Variants in LUZP2 observed in about 807,000 individuals in gnomAD.
LUZP2 encodes the protein leucine zipper protein 2.
In LUZP2, 52 loss-of-function variants were observed where a neutral mutation model predicts 51.6. The ratio of observed to expected loss-of-function variants is 1.01; its 90% CI spans 0.81 to 1.27. The LOEUF (loss-of-function observed/expected upper bound fraction) is 1.27, where lower values mean the gene tolerates loss of function less well. Ranked by LOEUF, LUZP2 falls within the 50% of genes most tolerant of loss-of-function variation. LUZP2 has a pLI of 0.00. For synonymous variants in LUZP2, 154 were observed against 137.3 expected, an observed-to-expected ratio of 1.12 and a Z score of -0.85; for missense variants, 436 against 395.4, an observed-to-expected ratio of 1.10 and a Z score of -0.87.
chr11:24,784,224 T>A (rs1369717594), intron 5 of LUZP2, among the ~76,000 whole-genome samples: 1 of 152,038 alleles, frequency 6.6e-6, no homozygotes, highest in African/African-American at 2.4e-5. Context: ...AAATTTATCT[T>A]GTTTTTATTC....
At chr11:25,052,243 T>C (rs1037635541) in intron 10 of LUZP2, among the ~76,000 whole-genome samples, 1 of 152,188 alleles carries the variant, frequency 6.6e-6, no homozygotes, top group Non-Finnish European at 1.5e-5. Flanking sequence ...AAACCAGGTG[T>C]GAGTAATCGG....
intron 1 of LUZP2, among the ~76,000 whole-genome samples, chr11:24,670,627 A>G (rs905975483): frequency 1.3e-5 from 2 of 152,006 alleles, no homozygotes; most frequent in Non-Finnish European, 2.9e-5. Context: ...ATTTTTAAAT[A>G]TCTGTATTGA....
At chr11:24,941,472 C>T (rs1318842186) in intron 7 of LUZP2, among the ~76,000 whole-genome samples, 2 of 152,176 alleles carry the variant, frequency 1.3e-5, no homozygotes, top group East Asian at 3.9e-4. Context: ...ATTCATTCAA[C>T]AGATGAATTC....
chr11:24,917,462 T>C (rs1853829689), intron 7 of LUZP2, among the ~76,000 whole-genome samples: 5 of 152,136 alleles, frequency 3.3e-5, no homozygotes, highest in Admixed American at 2.6e-4. Flanking sequence ...ATTTTTATGG[T>C]TTTAGGTCTA....
chr11:25,047,340 A>AT (rs201926297), intron 9 of LUZP2, among the ~76,000 whole-genome samples: 2 of 14,358 alleles, frequency 1.4e-4, no homozygotes, highest in African/African-American at 2.1e-4. Flanking sequence ...TATTTTTTTT[A>AT]TTTTTTTTTT....
At chr11:24,573,271 G>C (rs11028029) in intron 1 of LUZP2, among the ~76,000 whole-genome samples, 7 of 151,906 alleles carry the variant, frequency 4.6e-5, no homozygotes, top group Admixed American at 3.9e-4. Context: ...ATGCTTCTTC[G>C]TGGTTCTTAC....
chr11:24,906,188 T>A, intron 6 of LUZP2, 135 bp downstream of exon 6: 2 of 491,690 alleles, frequency 4.1e-6, no homozygotes, highest in Non-Finnish European at 3.5e-6. Flanking sequence ...AAAAATATAA[T>A]ATATTTTAAA....
intron 10 of LUZP2, among the ~76,000 whole-genome samples, chr11:25,053,762 A>G (rs1858594479): frequency 1.3e-5 from 2 of 152,192 alleles, no homozygotes; most frequent in South Asian, 4.1e-4. Flanking sequence ...GAACGTTTGC[A>G]TAAACCACTT....
chr11:24,813,608 A>C lies in LUZP2; in HGVS notation c.396+50300A>C, dbSNP rs1850085823. Among the ~76,000 whole-genome samples the C allele has an allele frequency of 2.0e-5, 3 of 152,220 alleles. 1 individual carries two copies. The South Asian group carries it at 6.2e-4, about 32-fold the overall frequency. ...CACTTGTCAACAAGGGGATGGCCCA[A>C]GCCATTCATGAGGGATCCATCCCCA... is the stretch of plus-strand genomic sequence containing the variant. On this transcript the variant is annotated intron_variant, in intron 5 of 11. Coordinates refer to ENST00000336930, the MANE Select transcript of LUZP2 (RefSeq NM_001009909.4).
At chr11:24,672,387 C>T (rs1856426802) in intron 1 of LUZP2, among the ~76,000 whole-genome samples, 2 of 152,122 alleles carry the variant, frequency 1.3e-5, no homozygotes, top group African/African-American at 4.8e-5. Context: ...AATTAACTTT[C>T]ACCTTTGGAC....
At chr11:24,802,869 C>A (rs1183553246) in intron 5 of LUZP2, among the ~76,000 whole-genome samples, 2 of 151,976 alleles carry the variant, frequency 1.3e-5, no homozygotes, top group Non-Finnish European at 2.9e-5. Context: ...GATTAATTAT[C>A]TTATATAAAA....
At chr11:24,574,844 A>C (rs1372910682) in intron 1 of LUZP2, among the ~76,000 whole-genome samples, 1 of 152,148 alleles carries the variant, frequency 6.6e-6, no homozygotes, top group Non-Finnish European at 1.5e-5. Flanking sequence ...CATTGACTAG[A>C]TACTGATAGA....
At chr11:24,898,011 A>G (rs958760613) in intron 5 of LUZP2, among the ~76,000 whole-genome samples, 6 of 152,204 alleles carry the variant, frequency 3.9e-5, no homozygotes, top group Non-Finnish European at 8.8e-5. Flanking sequence ...GCATTTATAT[A>G]TAAATATGTT....
intron 1 of LUZP2, among the ~76,000 whole-genome samples, chr11:24,686,127 A>G (rs576303349): frequency 4.6e-5 from 7 of 152,124 alleles, no homozygotes; most frequent in East Asian, 1.9e-4. Context: ...ATCTTAAGCT[A>G]TATTTTCAGT....
intron 1 of LUZP2, among the ~76,000 whole-genome samples, chr11:24,641,448 T>A (rs887781960): frequency 1.3e-5 from 2 of 151,846 alleles, no homozygotes; most frequent in Non-Finnish European, 2.9e-5. Flanking sequence ...TAAAATTGTG[T>A]GTTAATTTAT....
At chr11:24,673,833 G>T (rs1172133276) in intron 1 of LUZP2, among the ~76,000 whole-genome samples, 1 of 152,098 alleles carries the variant, frequency 6.6e-6, no homozygotes, top group Non-Finnish European at 1.5e-5. Context: ...TGAAATCTAG[G>T]ATTATTTTAT....
chr11:24,994,662 C>A (rs1856444747), intron 9 of LUZP2, among the ~76,000 whole-genome samples: 1 of 152,100 alleles, frequency 6.6e-6, no homozygotes, highest in Non-Finnish European at 1.5e-5. Flanking sequence ...TCTAGAAAAA[C>A]AAATAAAGCT....
At chr11:24,842,580 T>G (rs888953000) in intron 5 of LUZP2, among the ~76,000 whole-genome samples, 1 of 151,968 alleles carries the variant, frequency 6.6e-6, no homozygotes, top group Non-Finnish European at 1.5e-5. Flanking sequence ...AAAATAAAAT[T>G]GATAGCCTGC....
At chr11:24,966,955 A>C (rs1401742338) in intron 7 of LUZP2, among the ~76,000 whole-genome samples, 1 of 149,838 alleles carries the variant, frequency 6.7e-6, no homozygotes, top group Non-Finnish European at 1.5e-5. Flanking sequence ...CTATTTATTA[A>C]ACTTAGTATT....
Sources: gnomAD v4.1 joint callset for allele counts (sites outside exome capture counted in the v4.1 genomes callset) on GRCh38, gnomAD v4.1.1 for gene constraint, MANE v1.5 for transcripts, NCBI Gene and HGNC (gene_info 2026-07-23, HGNC 2026-07-21) for gene names.